The following MACROD2 variants were observed in gnomAD, a reference collection of about 807,000 sequenced individuals.
MACROD2 encodes the protein ADP-ribose glycohydrolase MACROD2.
MACROD2 carries 36 observed loss-of-function variants against 70.4 expected under a neutral mutation model. That is an observed-to-expected ratio of 0.51 (90% CI 0.39 to 0.68). The LOEUF is 0.68. Among genes scored for constraint, MACROD2 ranks in the 30% least tolerant of loss-of-function variants. MACROD2 has a pLI of 0.00. For synonymous variants in MACROD2, 172 were observed against 178.8 expected, an observed-to-expected ratio of 0.96 and a Z score of 0.30; for missense variants, 496 against 538.4, an observed-to-expected ratio of 0.92 and a Z score of 0.78.
intron 5 of MACROD2, among the ~76,000 whole-genome samples, chr20:15,076,630 C>A (rs1388462037): frequency 1.3e-5 from 2 of 152,140 alleles, no homozygotes; most frequent in Non-Finnish European, 2.9e-5. Flanking sequence ...AATATGTTTT[C>A]TGTCACTTTT....
At chr20:15,603,015 G>A (rs1040161361) in intron 8 of MACROD2, among the ~76,000 whole-genome samples, 1 of 152,012 alleles carries the variant, frequency 6.6e-6, no homozygotes, top group African/African-American at 2.4e-5. Flanking sequence ...GTGGGTGTGA[G>A]TGAGGGCATG....
chr20:15,681,566 ATTTG>A (rs1442451213), intron 8 of MACROD2, among the ~76,000 whole-genome samples: 1 of 152,140 alleles, frequency 6.6e-6, no homozygotes, highest in African/African-American at 2.4e-5. Flanking sequence ...GTGTGGCCTA[ATTTG>A]TTTGGGGCTT....
intron 5 of MACROD2, among the ~76,000 whole-genome samples, chr20:15,211,544 A>G (rs557126848): frequency 5.7e-4 from 87 of 151,902 alleles, no homozygotes; most frequent in Non-Finnish European, 9.9e-4. Flanking sequence ...GTGAGTTATC[A>G]CTCTATGAGT....
chr20:15,694,106 A>C (rs117498217), intron 8 of MACROD2, among the ~76,000 whole-genome samples: 2 of 152,068 alleles, frequency 1.3e-5, no homozygotes, highest in East Asian at 3.9e-4. Context: ...TTCTTTAGCC[A>C]CTTGTTGATT....
chr20:14,051,921 G>T, intron 2 of MACROD2: 1 of 518,010 alleles, frequency 1.9e-6, no homozygotes, highest in Non-Finnish European at 3.9e-6. Flanking sequence ...CCATCATTCA[G>T]GATGCATCTC....
intron 3 of MACROD2, among the ~76,000 whole-genome samples, chr20:14,383,711 G>T (rs1042087607): frequency 6.6e-6 from 1 of 152,166 alleles, no homozygotes; most frequent in African/African-American, 2.4e-5. Context: ...TAGAGAAATT[G>T]TGTTGACTTT....
chr20:15,782,717 C>CAAAAAAAAAAAAAAAAAA, intron 8 of MACROD2, among the ~76,000 whole-genome samples: 2 of 83,356 alleles, frequency 2.4e-5, no homozygotes, highest in Non-Finnish European at 4.9e-5. Flanking sequence ...AGAGAAATGG[C>CAAAAAAAAAAAAAAAAAA]AAAAAAAAAA....
At chr20:15,846,033 A>G (rs2064227306) in intron 8 of MACROD2, among the ~76,000 whole-genome samples, 1 of 152,218 alleles carries the variant, frequency 6.6e-6, no homozygotes, top group African/African-American at 2.4e-5. Context: ...TCAGAGAGTA[A>G]AAATGTTATT....
At chr20:16,017,827 T>C (rs2066949489) in intron 15 of MACROD2, among the ~76,000 whole-genome samples, 1 of 152,206 alleles carries the variant, frequency 6.6e-6, no homozygotes, top group Non-Finnish European at 1.5e-5. Flanking sequence ...AATGAATAAA[T>C]GTCATTAGCC....
At chr20:15,698,205 T>C (rs1391490231) in intron 8 of MACROD2, among the ~76,000 whole-genome samples, 1 of 152,212 alleles carries the variant, frequency 6.6e-6, no homozygotes, top group African/African-American at 2.4e-5. Context: ...TCTGTTTTGA[T>C]ATGGTTCCAG....
intron 5 of MACROD2, among the ~76,000 whole-genome samples, chr20:14,836,633 T>C (rs948591576): frequency 6.6e-5 from 10 of 152,074 alleles, no homozygotes; most frequent in African/African-American, 2.4e-4. Flanking sequence ...CCTATACTAG[T>C]CAATCAAATT....
chr20:14,711,276 A>G (rs190033100), intron 5 of MACROD2, among the ~76,000 whole-genome samples: 2 of 152,288 alleles, frequency 1.3e-5, no homozygotes, highest in South Asian at 2.1e-4. Context: ...TTTGAAGTCA[A>G]TTTCAGCTTT....
chr20:14,345,688 C>T (rs2083056715), intron 3 of MACROD2, among the ~76,000 whole-genome samples: 1 of 151,868 alleles, frequency 6.6e-6, no homozygotes, highest in African/African-American at 2.4e-5. Flanking sequence ...CGTTGGCCTC[C>T]CAAAGTGCTG....
chr20:14,653,508 A>G (rs977055359), intron 4 of MACROD2, among the ~76,000 whole-genome samples: 7 of 146,542 alleles, frequency 4.8e-5, no homozygotes, highest in Admixed American at 3.4e-4. Flanking sequence ...GTGAGCCACC[A>G]AGCCCGGCTG....
intron 3 of MACROD2, among the ~76,000 whole-genome samples, chr20:14,376,986 A>C (rs1334075207): frequency 2.6e-5 from 4 of 152,272 alleles, no homozygotes; most frequent in African/African-American, 9.6e-5. Context: ...CATAACTTCC[A>C]GCCTAATCCC....
intron 5 of MACROD2, among the ~76,000 whole-genome samples, chr20:14,688,765 A>G (rs1274416907): frequency 3.9e-5 from 6 of 152,188 alleles, no homozygotes; most frequent in African/African-American, 1.2e-4. Context: ...TCAGCTTCAC[A>G]TAGGCAAGAT....
At chr20:14,943,015 A>G (rs2074403172) in intron 5 of MACROD2, among the ~76,000 whole-genome samples, 1 of 152,222 alleles carries the variant, frequency 6.6e-6, no homozygotes, top group South Asian at 2.1e-4. Context: ...GCTTGTATTC[A>G]TCACCTGAAT....
chr20:14,134,037 A>G (rs1249821612), intron 3 of MACROD2, among the ~76,000 whole-genome samples: 2 of 152,204 alleles, frequency 1.3e-5, no homozygotes, highest in Admixed American at 6.5e-5. Context: ...GTAGATTTGG[A>G]TGACAGTTTA....
chr20:15,571,677 A>G (rs550609395), intron 8 of MACROD2, among the ~76,000 whole-genome samples: 6 of 152,166 alleles, frequency 3.9e-5, no homozygotes, highest in Admixed American at 1.3e-4. Context: ...ATCACATGAA[A>G]TATATGGAAT....
Sources: allele counts gnomAD v4.1 joint callset (sites outside exome capture counted in the v4.1 genomes callset), GRCh38; gene constraint gnomAD v4.1.1; transcripts MANE v1.5; gene names NCBI Gene and HGNC (gene_info 2026-07-23, HGNC 2026-07-21).